Variants in FBXW2 observed in about 807,000 individuals in gnomAD.
The protein encoded by FBXW2 is F-box and WD repeat domain containing 2.
A neutral mutation model predicts 46.0 loss-of-function variants in FBXW2; 12 were observed. The observed-to-expected ratio is 0.26, with a 90% confidence interval of 0.17 to 0.42. The LOEUF (loss-of-function observed/expected upper bound fraction) is 0.42, where lower values mean the gene tolerates loss of function less well. Ranked by LOEUF, FBXW2 falls within the 10% of genes least tolerant of loss-of-function variation. The pLI is 1.00. For missense variants in FBXW2, 360 were observed against 537.0 expected (o/e 0.67, Z 3.26); for synonymous variants, 203 against 209.6 (o/e 0.97, Z 0.27).
intron 3 of FBXW2, among the ~76,000 whole-genome samples, chr9:120,783,009 T>C (rs1051197977): frequency 6.6e-6 from 1 of 152,206 alleles, no homozygotes; most frequent in South Asian, 2.1e-4. Context: ...TGGTGATGAC[T>C]GCACAACAAC....
intron 3 of FBXW2, among the ~76,000 whole-genome samples, chr9:120,782,116 G>T (rs1397287183): frequency 1.1e-4 from 16 of 151,508 alleles, no homozygotes; most frequent in Non-Finnish European, 1.5e-5. Context: ...AGCCACAAAA[G>T]AACAAATACT....
At chr9:120,785,553 C>G (rs1237423684) in intron 3 of FBXW2, among the ~76,000 whole-genome samples, 3 of 152,170 alleles carry the variant, frequency 2.0e-5, no homozygotes, top group Admixed American at 2.0e-4. Context: ...GAAAATATCA[C>G]CACATAATAC....
chr9:120,763,261 T>A lies in FBXW2; in HGVS notation c.*1298A>T, dbSNP rs1278204112. The A allele has an allele frequency of 6.6e-6, 1 of 152,166 alleles. No homozygotes were observed. Among genetic ancestry groups the A allele is most frequent in the African/African-American group, 2.4e-5 (1 of 41,434 alleles). The allele number at this position is 152,166 out of a possible 1,614,324, so 9.4% of individuals were successfully genotyped here. ...ACAGCACAATCCTCCCCAGAATGTT[T>A]TACTCATTTATGTTACCTGCACGGC... On this transcript the variant is annotated 3_prime_UTR_variant, in exon 8 of 8. Coordinates refer to ENST00000608872, the MANE Select transcript of FBXW2 (RefSeq NM_012164.4).
At position 120,764,202 on chromosome 9, in the gene FBXW2, T is replaced by C. The variant is rs1258121758; in HGVS notation, c.*357A>G. The C allele has an allele frequency of 2.2e-5, 9 of 401,056 alleles. No individual in the cohort carries two copies. Among genetic ancestry groups the C allele is most frequent in the African/African-American group, 1.8e-4 (9 of 48,794 alleles). 24.8% of individuals were successfully genotyped at this position (401,056 alleles called of 1,614,324 possible). A position where few individuals can be genotyped will look rare whatever the true frequency, so the allele number is the denominator to read the frequency against. ...TAAAAAGCTTTAATAACAGACAATG[T>C]GATTTCATAGGCAACCAATTAGCAG... On this transcript the variant is annotated 3_prime_UTR_variant, in exon 8 of 8. Coordinates refer to ENST00000608872, the MANE Select transcript of FBXW2 (RefSeq NM_012164.4).
rs1184464149 is a variant in FBXW2 at position 120,788,284 on chromosome 9, G to A, written c.-20-6C>T. On this transcript the variant is annotated splice_region_variant and splice_polypyrimidine_tract_variant and intron_variant, in intron 2 of 7. Transcript: ENST00000608872. ...AAGGTTATGGAAAAATTTACCTGTG[G>A]CACATCAAAATATTGTATTAGTTCT... The A allele has an allele frequency of 1.2e-6, 2 of 1,606,630 alleles. No homozygotes were observed. The highest frequency in any genetic ancestry group is 1.7e-6 in the Non-Finnish European group (2 of 1,178,720).
rs1479753771 is a variant in FBXW2 at position 120,776,219 on chromosome 9, G to A, written c.693C>T (p.Ser231=). 3.1e-6 allele frequency: 5 copies of A among 1,613,588 alleles called. No homozygotes were observed. The highest frequency in any genetic ancestry group is 2.2e-5 in the East Asian group (1 of 44,866). Residue 231 remains serine (S), a synonymous_variant, in exon 5 of 8, where the codon AGC becomes AGT. Transcript: ENST00000608872. The part of the protein sequence containing the change: ...HFRGHTGAVF[S]VDYNDELDIL... ...TATCCAGTTCATCATTGTAGTCCACGCTAAATACTAGTGCATATAATTACA... is the reference window on the plus strand; with the variant it reads ...TATCCAGTTCATCATTGTAGTCCACACTAAATACTAGTGCATATAATTACA...
chr9:120,773,140 T>C (rs1018218870), intron 5 of FBXW2, among the ~76,000 whole-genome samples: 10 of 151,354 alleles, frequency 6.6e-5, no homozygotes, highest in South Asian at 2.1e-4. Flanking sequence ...TGAGCTATGA[T>C]TGCACCACTG....
chr9:120,776,822 T>C (rs2044507297), intron 4 of FBXW2, among the ~76,000 whole-genome samples: 1 of 152,172 alleles, frequency 6.6e-6, no homozygotes, highest in African/African-American at 2.4e-5. Context: ...TGTATACCAG[T>C]TCTAAAGGAA....
intron 3 of FBXW2, among the ~76,000 whole-genome samples, chr9:120,786,506 T>C (rs1215371869): frequency 6.6e-6 from 1 of 152,228 alleles, no homozygotes; most frequent in African/African-American, 2.4e-5. Context: ...CTTTTCTTCA[T>C]AAATTACCCG....
rs1464384876 is a variant in FBXW2, at chr9:120,758,869, G to A, written c.*5690C>T. 1.3e-5 allele frequency: 2 copies of A among 152,264 alleles called. No individual in the cohort carries two copies. Among genetic ancestry groups the A allele is most frequent in the Non-Finnish European group, 1.5e-5 (1 of 68,024 alleles). 9.4% of individuals were successfully genotyped at this position (152,264 alleles called of 1,614,324 possible). On this transcript the variant is annotated 3_prime_UTR_variant, in exon 8 of 8. Coordinates refer to ENST00000608872, the MANE Select transcript of FBXW2 (RefSeq NM_012164.4). ...TAGACACATCCTTGGGCAAAAGAGA[G>A]GAAGACTATTCCAAGGTCTGGAAGC... is the stretch of plus-strand genomic sequence containing the variant.
At position 120,762,516 on chromosome 9, in the gene FBXW2, T is replaced by G. The variant is rs1554804613; in HGVS notation, c.*2043A>C. On this transcript the variant is annotated 3_prime_UTR_variant, in exon 8 of 8. Coordinates refer to ENST00000608872, the MANE Select transcript of FBXW2 (RefSeq NM_012164.4). ...TAGATTAAACCCAGATTTTGTGGGATGGGGGAAGATATTGTTCTTTTGCTT... is the reference window on the plus strand; with the variant it reads ...TAGATTAAACCCAGATTTTGTGGGAGGGGGGAAGATATTGTTCTTTTGCTT... 1.3e-5 allele frequency: 2 copies of G among 152,180 alleles called. No individual in the cohort carries two copies. Among genetic ancestry groups the G allele is most frequent in the Non-Finnish European group, 2.9e-5 (2 of 68,022 alleles). 9.4% of individuals were successfully genotyped at this position (152,180 alleles called of 1,614,324 possible).
chr9:120,763,131 C>T lies in FBXW2; in HGVS notation c.*1428G>A, dbSNP rs2044221448. ...GGATTTCAAATAAAAATCTGGATTT[C>T]TAGCTCCTCCTGAAACAATGTGAAG... On this transcript the variant is annotated 3_prime_UTR_variant, in exon 8 of 8. Coordinates refer to ENST00000608872, the MANE Select transcript of FBXW2 (RefSeq NM_012164.4). 6.6e-6 allele frequency: 1 copy of T among 152,212 alleles called. No individual in the cohort carries two copies. Among genetic ancestry groups the T allele is most frequent in the African/African-American group, 2.4e-5 (1 of 41,452 alleles). The allele number at this position is 152,212 out of a possible 1,614,324, so 9.4% of individuals were successfully genotyped here.
intron 7 of FBXW2, among the ~76,000 whole-genome samples, chr9:120,769,071 A>T (rs2044325971): frequency 6.6e-6 from 1 of 152,262 alleles, no homozygotes; most frequent in South Asian, 2.1e-4. Flanking sequence ...TGCTGTGCAG[A>T]GTCTGGGTCC....
At chr9:120,784,387 G>A (rs760521051) in intron 3 of FBXW2, among the ~76,000 whole-genome samples, 1 of 151,994 alleles carries the variant, frequency 6.6e-6, no homozygotes, top group African/African-American at 2.4e-5. Flanking sequence ...TGAGACGGGC[G>A]GAGTGCTTGA....
At chr9:120,778,641 G>T in intron 3 of FBXW2, 96 bp from the exon 4 acceptor site, 1 of 1,038,734 alleles carries the variant, frequency 9.6e-7, no homozygotes, top group Non-Finnish European at 1.4e-6. Context: ...AACATTAACG[G>T]TCCCTTCCTC....
intron 3 of FBXW2, 111 bp from the exon 4 acceptor site, chr9:120,778,656 A>C (rs1022967892): frequency 9.1e-6 from 8 of 881,570 alleles, no homozygotes; most frequent in South Asian, 1.7e-5. Flanking sequence ...TTCCTCTAGC[A>C]CTTTACTTTA....
chr9:120,783,412 G>C (rs1236914221), intron 3 of FBXW2, among the ~76,000 whole-genome samples: 1 of 151,872 alleles, frequency 6.6e-6, no homozygotes, highest in East Asian at 1.9e-4. Context: ...CACACTGCAC[G>C]AAAGAAAAAA....
At chr9:120,784,470 G>A (rs1184530593) in intron 3 of FBXW2, among the ~76,000 whole-genome samples, 1 of 151,882 alleles carries the variant, frequency 6.6e-6, no homozygotes, top group Non-Finnish European at 1.5e-5. Context: ...AAAGGATCCA[G>A]GCATAGGGTT....
chr9:120,780,435 A>C (rs1023745408), intron 3 of FBXW2, among the ~76,000 whole-genome samples: 4 of 152,168 alleles, frequency 2.6e-5, no homozygotes, highest in African/African-American at 9.7e-5. Context: ...TTGAACATGT[A>C]ATCAATACAA....
Sources: gnomAD v4.1 joint callset for allele counts (sites outside exome capture counted in the v4.1 genomes callset) on GRCh38, gnomAD v4.1.1 for gene constraint, MANE v1.5 for transcripts, NCBI Gene and HGNC (gene_info 2026-07-23, HGNC 2026-07-21) for gene names.